The following NAALADL2 variants were observed in gnomAD, a reference collection of about 807,000 sequenced individuals.
The protein encoded by NAALADL2 is N-acetylated alpha-linked acidic dipeptidase like 2.
NAALADL2 carries 76 observed loss-of-function variants against 87.2 expected under a neutral mutation model. That is an observed-to-expected ratio of 0.87 (90% CI 0.72 to 1.05). The LOEUF (loss-of-function observed/expected upper bound fraction) is 1.05, where lower values mean the gene tolerates loss of function less well. Among genes scored for constraint, NAALADL2 ranks in the 50% least tolerant of loss-of-function variants. The pLI is 0.00. For synonymous variants in NAALADL2, 354 were observed against 331.0 expected, an observed-to-expected ratio of 1.07 and a Z score of -0.75; for missense variants, 1,089 against 945.8, an observed-to-expected ratio of 1.15 and a Z score of -1.99.
chr3:174,792,932 CT>C (rs1414426262), intron 3 of NAALADL2, among the ~76,000 whole-genome samples: 1 of 152,006 alleles, frequency 6.6e-6, no homozygotes, highest in Non-Finnish European at 1.5e-5. Flanking sequence ...TGGCAGTATA[CT>C]TTTTTTCTTT....
chr3:175,801,070 G>T (rs983766593), intron 13 of NAALADL2, among the ~76,000 whole-genome samples: 2 of 152,080 alleles, frequency 1.3e-5, no homozygotes, highest in Non-Finnish European at 2.9e-5. Flanking sequence ...TGGTGATCAA[G>T]AACTCAATCA....
chr3:175,252,502 C>G (rs1245438862), intron 3 of NAALADL2, among the ~76,000 whole-genome samples: 1 of 152,150 alleles, frequency 6.6e-6, no homozygotes, highest in African/African-American at 2.4e-5. Context: ...CTGGGCCTCC[C>G]TCTCCTGGGC....
chr3:175,332,984 T>C (rs948308877), intron 5 of NAALADL2, among the ~76,000 whole-genome samples: 1 of 152,228 alleles, frequency 6.6e-6, no homozygotes, highest in African/African-American at 2.4e-5. Flanking sequence ...TAATAATATA[T>C]CCCTTTACTT....
intron 10 of NAALADL2, among the ~76,000 whole-genome samples, chr3:175,577,343 T>G (rs1195921504): frequency 6.6e-6 from 1 of 152,202 alleles, no homozygotes; most frequent in African/African-American, 2.4e-5. Context: ...ATTGCAGTTA[T>G]TATTGTCTGA....
intron 1 of NAALADL2, among the ~76,000 whole-genome samples, chr3:175,076,323 T>C (rs931196757): frequency 8.2e-6 from 1 of 121,764 alleles, no homozygotes; most frequent in African/African-American, 4.2e-5. Flanking sequence ...TATTTCATGC[T>C]TTTTTTTTTT....
intron 9 of NAALADL2, among the ~76,000 whole-genome samples, chr3:175,496,446 C>T (rs1389453261): frequency 3.3e-5 from 5 of 151,958 alleles, no homozygotes; most frequent in Non-Finnish European, 4.4e-5. Flanking sequence ...ATTATTATTT[C>T]AATCAACAAA....
intron 7 of NAALADL2, among the ~76,000 whole-genome samples, chr3:175,465,024 A>G (rs551026182): frequency 2.6e-5 from 4 of 152,270 alleles, no homozygotes; most frequent in East Asian, 1.9e-4. Flanking sequence ...CGATTTTACC[A>G]TTAGTATTCT....
Position 175,256,217 on chromosome 3 carries a change from G to T in NAALADL2, c.820-194G>T, listed in dbSNP as rs13072053. ...AAATGACTCACACATTTTCTCTAGT[G>T]CCCAGAAGAATTGCTGTACCTTGAT... On this transcript the variant is annotated intron_variant, in intron 3 of 13. Transcript: ENST00000454872. Among the ~76,000 whole-genome samples, 25,585 of 151,980 alleles carry T rather than the reference G, an allele frequency of 0.17. 2,452 individuals are homozygous for T. Among genetic ancestry groups the T allele is most frequent in the East Asian group, 0.35 (1,784 of 5,158 alleles).
chr3:174,590,886 G>GA (rs113857875), intron 2 of NAALADL2, among the ~76,000 whole-genome samples: 205 of 145,040 alleles, frequency 1.4e-3, no homozygotes, highest in East Asian at 4.4e-3. Flanking sequence ...GAAATGAAAG[G>GA]AAAAAAAAAA....
At chr3:174,964,223 G>A (rs1322580934) in intron 1 of NAALADL2, among the ~76,000 whole-genome samples, 1 of 152,000 alleles carries the variant, frequency 6.6e-6, no homozygotes, top group East Asian at 1.9e-4. Flanking sequence ...CCTAGCGCTG[G>A]TATGGAAAAT....
At chr3:174,896,592 C>A (rs1731566420) in intron 1 of NAALADL2, among the ~76,000 whole-genome samples, 1 of 152,066 alleles carries the variant, frequency 6.6e-6, no homozygotes, top group South Asian at 2.1e-4. Context: ...TCCATACTAC[C>A]AAAGCACTTT....
intron 2 of NAALADL2, among the ~76,000 whole-genome samples, chr3:175,163,321 A>G (rs1382426229): frequency 1.3e-5 from 2 of 152,076 alleles, no homozygotes; most frequent in Admixed American, 6.6e-5. Context: ...TTACTGGAAA[A>G]CATCCATACT....
intron 1 of NAALADL2, among the ~76,000 whole-genome samples, chr3:174,925,148 G>A (rs1579555890): frequency 6.6e-6 from 1 of 152,144 alleles, no homozygotes; most frequent in African/African-American, 2.4e-5. Flanking sequence ...CCTTGCCCAT[G>A]CCTATGTTAT....
chr3:174,900,756 C>A (rs906837524), intron 1 of NAALADL2, among the ~76,000 whole-genome samples: 1 of 151,332 alleles, frequency 6.6e-6, no homozygotes, highest in Admixed American at 6.6e-5. Flanking sequence ...TAACTGGCTA[C>A]TTAAAAAAAT....
intron 5 of NAALADL2, among the ~76,000 whole-genome samples, chr3:175,327,786 G>A (rs954046005): frequency 6.6e-6 from 1 of 152,144 alleles, no homozygotes; most frequent in Non-Finnish European, 1.5e-5. Context: ...CTTTTCCTCT[G>A]CCCCTCTGGG....
At chr3:175,107,098 A>G (rs1723294772) in intron 2 of NAALADL2, among the ~76,000 whole-genome samples, 1 of 152,030 alleles carries the variant, frequency 6.6e-6, no homozygotes, top group African/African-American at 2.4e-5. Flanking sequence ...TTATTTTTGC[A>G]AATTGTAGAT....
intron 3 of NAALADL2, among the ~76,000 whole-genome samples, chr3:174,768,012 A>G (rs1296844735): frequency 6.6e-6 from 1 of 152,200 alleles, no homozygotes; most frequent in Non-Finnish European, 1.5e-5. Flanking sequence ...TGTTACCTCA[A>G]TTCGAATATG....
chr3:175,350,504 A>G (rs1763647938), intron 5 of NAALADL2, among the ~76,000 whole-genome samples: 1 of 152,200 alleles, frequency 6.6e-6, no homozygotes, highest in Non-Finnish European at 1.5e-5. Flanking sequence ...AACAGCAGTC[A>G]GAGAGGCAAT....
intron 3 of NAALADL2, among the ~76,000 whole-genome samples, chr3:175,254,505 G>A (rs942444337): frequency 2.0e-5 from 3 of 152,128 alleles, no homozygotes; most frequent in African/African-American, 7.2e-5. Flanking sequence ...AATCTCTGAT[G>A]TATGCCTGTA....
Sources: allele counts gnomAD v4.1 joint callset (sites outside exome capture counted in the v4.1 genomes callset), GRCh38; gene constraint gnomAD v4.1.1; transcripts MANE v1.5; gene names NCBI Gene and HGNC (gene_info 2026-07-23, HGNC 2026-07-21).